C20orf203: variants seen among roughly 807,000 people sequenced by gnomAD.
C20orf203 encodes the protein chromosome 20 open reading frame 203, also known as uncharacterized protein C20orf203.
C20orf203 carries 16 observed loss-of-function variants against 15.9 expected under a neutral mutation model. That is an observed-to-expected ratio of 1.01 (90% CI 0.68 to 1.53). The LOEUF is 1.53. Among genes scored for constraint, C20orf203 ranks in the 40% most tolerant of loss-of-function variants. The pLI is 0.00. For missense variants in C20orf203, 263 were observed against 247.5 expected (o/e 1.06, Z -0.42); for synonymous variants, 98 against 97.2 (o/e 1.01, Z -0.05).
At position 32,636,325 on chromosome 20, in the gene C20orf203, T is replaced by C. The variant is rs1345350495; in HGVS notation, c.*1300-2055A>G. ...CACAATTTGCTTTTTCTCTCTCTCT[T>C]TGTCTTGCTGAACTAGTGCAGACAT... On this transcript the variant is annotated intron_variant, in intron 5 of 5. Coordinates refer to ENST00000608990, the MANE Select transcript of C20orf203 (RefSeq NM_182584.4). Among the ~76,000 whole-genome samples, 6 of 152,288 alleles carry C rather than the reference T, an allele frequency of 3.9e-5. No homozygotes were observed. In the South Asian group the frequency reaches 1.2e-3, roughly 32 times the overall value.
intron 1 of C20orf203, among the ~76,000 whole-genome samples, chr20:32,671,933 GTATAGAGTTTCAGTCACACA>G (rs1983179255): frequency 6.6e-6 from 1 of 151,844 alleles, no homozygotes; most frequent in Non-Finnish European, 1.5e-5. Flanking sequence ...TGTTCAATGG[GTATAGAGTTTCAGTCACACA>G]GATAAAAATG....
chr20:32,635,599 T>C (rs1982117468), intron 5 of C20orf203, among the ~76,000 whole-genome samples: 1 of 151,886 alleles, frequency 6.6e-6, no homozygotes, highest in South Asian at 2.1e-4. Flanking sequence ...GGGGATTGCT[T>C]GAGCCCAGGA....
intron 4 of C20orf203, among the ~76,000 whole-genome samples, chr20:32,643,490 A>G (rs1982338179): frequency 6.6e-6 from 1 of 152,110 alleles, no homozygotes; most frequent in Non-Finnish European, 1.5e-5. Context: ...AGGACGGGAA[A>G]GTGTTAGACT....
intron 5 of C20orf203, among the ~76,000 whole-genome samples, chr20:32,634,905 T>C (rs1217310448): frequency 6.6e-6 from 1 of 152,192 alleles, no homozygotes; most frequent in Non-Finnish European, 1.5e-5. Flanking sequence ...AGTTCCTTTT[T>C]AAAAATAATT....
At chr20:32,671,774 G>C (rs1274104988) in intron 1 of C20orf203, among the ~76,000 whole-genome samples, 2 of 149,328 alleles carry the variant, frequency 1.3e-5, no homozygotes, top group African/African-American at 4.9e-5. Context: ...AGGAGTTGGA[G>C]GTTAAGGTGA....
At chr20:32,646,386 A>G (rs966385166) in intron 4 of C20orf203, among the ~76,000 whole-genome samples, 7 of 151,986 alleles carry the variant, frequency 4.6e-5, no homozygotes, top group Admixed American at 2.0e-4. Flanking sequence ...TTGTATTTTT[A>G]GTAGAGATGG....
intron 1 of C20orf203, among the ~76,000 whole-genome samples, chr20:32,666,963 T>A (rs1218107207): frequency 6.6e-6 from 1 of 151,226 alleles, no homozygotes; most frequent in Non-Finnish European, 1.5e-5. Context: ...ATATTTTATA[T>A]AATCCAATGT....
rs925069457 is a variant in C20orf203, at chr20:32,650,330, G to A, written c.*102C>T. On this transcript the variant is annotated 3_prime_UTR_variant, in exon 4 of 6. Coordinates refer to ENST00000608990, the MANE Select transcript of C20orf203 (RefSeq NM_182584.4). ...CCGGGCCCATCCCCCACTCTGGGGA[G>A]CAGAATGATTGTGGGGGGTGGTAAC... 8 of 834,960 alleles carry A rather than the reference G, an allele frequency of 9.6e-6. No homozygotes were observed. In the African/African-American group the frequency reaches 1.4e-4, roughly 14 times the overall value. The allele number at this position is 834,960 out of a possible 1,614,324, so 51.7% of individuals were successfully genotyped here.
At chr20:32,638,241 A>T (rs150990616) in intron 5 of C20orf203, among the ~76,000 whole-genome samples, 2 of 152,338 alleles carry the variant, frequency 1.3e-5, no homozygotes, top group East Asian at 3.9e-4. Context: ...AACACTTGCT[A>T]TGTCCCAAGC....
chr20:32,655,828 T>C lies in C20orf203; in HGVS notation c.-263-3847A>G, dbSNP rs534073839. Among the ~76,000 whole-genome samples, 60 of 152,242 alleles carry C rather than the reference T, an allele frequency of 3.9e-4. 1 individual carries two copies. The South Asian group carries it at 8.5e-3, about 22-fold the overall frequency. On this transcript the variant is annotated intron_variant, in intron 1 of 5. Transcript: ENST00000608990. ...AAATAAAAATAGAAACAGGCAGATATGGTTGGGATGTTTGTCTCCTCCAAA... is the reference window on the plus strand; with the variant it reads ...AAATAAAAATAGAAACAGGCAGATACGGTTGGGATGTTTGTCTCCTCCAAA...
chr20:32,665,320 C>A (rs1982992168), intron 1 of C20orf203, among the ~76,000 whole-genome samples: 1 of 152,274 alleles, frequency 6.6e-6, no homozygotes. Context: ...CACCCTCCTC[C>A]AGACACCTGA....
intron 4 of C20orf203, among the ~76,000 whole-genome samples, chr20:32,646,224 G>GTTGAGACAGAGTCTCGCTCGATTTT (rs1170883090): frequency 1.7e-5 from 1 of 59,546 alleles, no homozygotes; most frequent in African/African-American, 6.6e-5. Flanking sequence ...CGATCTTTTT[G>GTTGAGACAGAGTCTCGCTCGATTTT]TTGAGACAGA....
chr20:32,665,438 C>G (rs148588715), intron 1 of C20orf203, among the ~76,000 whole-genome samples: 17 of 152,158 alleles, frequency 1.1e-4, no homozygotes, highest in Non-Finnish European at 1.9e-4. Context: ...GACATAAACA[C>G]GCACAGGAAA....
At chr20:32,668,140 T>C (rs1983078295) in intron 1 of C20orf203, among the ~76,000 whole-genome samples, 1 of 152,166 alleles carries the variant, frequency 6.6e-6, no homozygotes, top group Non-Finnish European at 1.5e-5. Context: ...TAATCATCTG[T>C]ATCTCTTGGG....
chr20:32,645,341 C>T (rs1256356442), intron 4 of C20orf203, among the ~76,000 whole-genome samples: 3 of 152,186 alleles, frequency 2.0e-5, no homozygotes, highest in East Asian at 3.9e-4. Flanking sequence ...CCTGGCATCC[C>T]GCCCGGCTCA....
intron 1 of C20orf203, among the ~76,000 whole-genome samples, chr20:32,671,737 G>A (rs1387711526): frequency 6.6e-6 from 1 of 151,382 alleles, no homozygotes; most frequent in African/African-American, 2.4e-5. Flanking sequence ...TACTCGGGAG[G>A]CTGAGGCAGG....
At chr20:32,642,478 G>A (rs1158034159) in intron 4 of C20orf203, among the ~76,000 whole-genome samples, 1 of 152,246 alleles carries the variant, frequency 6.6e-6, no homozygotes, top group Non-Finnish European at 1.5e-5. Context: ...CTGAGGCCCA[G>A]CTCCAGGAGG....
intron 1 of C20orf203, among the ~76,000 whole-genome samples, chr20:32,665,859 C>T (rs1442242824): frequency 6.6e-6 from 1 of 151,920 alleles, no homozygotes; most frequent in African/African-American, 2.4e-5. Flanking sequence ...TCGCTTGAAC[C>T]CGAGAGGCAG....
At chr20:32,661,679 C>G (rs1424189803) in intron 1 of C20orf203, among the ~76,000 whole-genome samples, 2 of 152,006 alleles carry the variant, frequency 1.3e-5, no homozygotes, top group Middle Eastern at 6.3e-3. Context: ...AAATCAGGGC[C>G]CTGAGAGGCC....
Sources: allele counts gnomAD v4.1 joint callset (sites outside exome capture counted in the v4.1 genomes callset), GRCh38; gene constraint gnomAD v4.1.1; transcripts MANE v1.5; gene names NCBI Gene and HGNC (gene_info 2026-07-23, HGNC 2026-07-21).